Variants in PUS7L observed in about 807,000 individuals in gnomAD.
The protein encoded by PUS7L is pseudouridylate synthase PUS7L.
In PUS7L, 49 loss-of-function variants were observed where a neutral mutation model predicts 51.1. That is an observed-to-expected ratio of 0.96 (90% CI 0.76 to 1.22). The LOEUF (loss-of-function observed/expected upper bound fraction) is 1.22. PUS7L is among the 50% of genes most tolerant of loss of function. The pLI is 0.00. For synonymous variants in PUS7L, 277 were observed against 276.2 expected, an observed-to-expected ratio of 1.00 and a Z score of -0.03; for missense variants, 828 against 820.6, an observed-to-expected ratio of 1.01 and a Z score of -0.11.
intron 2 of PUS7L, among the ~76,000 whole-genome samples, chr12:43,752,278 C>A (rs1390142314): frequency 3.3e-5 from 5 of 152,142 alleles, no homozygotes; most frequent in Admixed American, 6.5e-5. Flanking sequence ...TAGTTCCTGT[C>A]CAAAGGGCTG....
chr12:43,729,156 C>T lies in PUS7L; in HGVS notation c.*1220G>A, dbSNP rs1944496467. The T allele has an allele frequency of 2.5e-6, 1 of 397,184 alleles. No individual in the cohort carries two copies. Among genetic ancestry groups the T allele is most frequent in the South Asian group, 1.3e-4 (1 of 7,838 alleles). 24.6% of individuals were successfully genotyped at this position (397,184 alleles called of 1,614,324 possible). On this transcript the variant is annotated 3_prime_UTR_variant, in exon 9 of 9. Transcript: ENST00000344862. ...AAGTTGATACACATCATTTTACTTA[C>T]TTTAGTTACGTAATGCTGGACTTTG...
At chr12:43,745,299 G>A in intron 4 of PUS7L, among the ~76,000 whole-genome samples, 1 of 152,134 alleles carries the variant, frequency 6.6e-6, no homozygotes, top group Non-Finnish European at 1.5e-5. Context: ...TAAAGTTTAT[G>A]ATATGTTTGG....
In PUS7L at chr12:43,755,210, A is replaced by G; in HGVS notation, c.36T>C (p.Ser12=). Residue 12 remains serine, a synonymous_variant, in exon 2 of 9, where the codon AGT becomes AGC. Coordinates refer to ENST00000344862, the MANE Select transcript of PUS7L (RefSeq NM_031292.5). ...CGTGATCATTAAAGAAACACAAAGAACTAAACCTGATTCTATAATCTGTAT... is the reference window on the plus strand; with the variant it reads ...CGTGATCATTAAAGAAACACAAAGAGCTAAACCTGATTCTATAATCTGTAT... ...EEDTDYRIRF[S]SLCFFNDHVG... The G allele has an allele frequency of 1.2e-6, 2 of 1,607,386 alleles. No individual in the cohort carries two copies.
intron 3 of PUS7L, among the ~76,000 whole-genome samples, chr12:43,746,842 T>G (rs1938195788): frequency 6.6e-6 from 1 of 152,234 alleles, no homozygotes; most frequent in Admixed American, 6.5e-5. Context: ...TCTAGTTTTT[T>G]GCGTCTGCTA....
At position 43,742,846 on chromosome 12, in the gene PUS7L, C is replaced by A. The variant is rs543796863; in HGVS notation, c.1264-291G>T. 126 of 179,908 alleles carry A rather than the reference C, an allele frequency of 7.0e-4. 1 individual carries two copies. The highest frequency in any genetic ancestry group is 2.9e-3 in the African/African-American group (121 of 42,014). 11.1% of individuals were successfully genotyped at this position (179,908 alleles called of 1,614,324 possible). On this transcript the variant is annotated intron_variant, in intron 4 of 8. Transcript: ENST00000344862. Reference sequence around the variant, plus strand: ...GGATGTGAGATTTTCAGTGTTAAAGCCAGAAAAGTTCTGGGCTTCCAAAAT... The same window carrying A: ...GGATGTGAGATTTTCAGTGTTAAAGACAGAAAAGTTCTGGGCTTCCAAAAT...
intron 6 of PUS7L, 43 bp from the exon 7 acceptor site, chr12:43,736,704 T>C: frequency 1.9e-6 from 3 of 1,560,570 alleles, no homozygotes; most frequent in Non-Finnish European, 2.6e-6. Flanking sequence ...CACTTTTATT[T>C]AAAGGCCAGT....
Position 43,731,718 on chromosome 12 carries a change from T to C in PUS7L, c.1766A>G (p.Tyr589Cys). 6.3e-7 allele frequency: 1 copy of C among 1,577,646 alleles called. No individual in the cohort carries two copies. The highest frequency in any genetic ancestry group is 1.1e-5 in the South Asian group (1 of 88,344). The change falls in exon 8 of 9, where the codon TAT (tyrosine) becomes TGT (cysteine). Residue 589 changes from tyrosine to cysteine, a missense_variant. By Grantham distance (194) the Tyr-to-Cys change is radical. Coordinates refer to ENST00000344862, the MANE Select transcript of PUS7L (RefSeq NM_031292.5). ...VTEEEGSANM[Y>C]AIHQVVLPVL... ...AAGCAAATTTACCTGATGTATTGCA[T>C]ACATATTAGCTGATCCCTCCTCTTC...
chr12:43,735,931 C>A (rs1361084889), intron 7 of PUS7L, among the ~76,000 whole-genome samples: 1 of 152,056 alleles, frequency 6.6e-6, no homozygotes, highest in Non-Finnish European at 1.5e-5. Context: ...CGTGCGCTAC[C>A]ACACCTGGCT....
rs963845336 is a variant in PUS7L, at chr12:43,728,910, G to A, written c.*1466C>T. 2 of 243,390 alleles carry A rather than the reference G, an allele frequency of 8.2e-6. No homozygotes were observed. The highest frequency in any genetic ancestry group is 1.6e-5 in the Non-Finnish European group (2 of 127,736). 15.1% of individuals were successfully genotyped at this position (243,390 alleles called of 1,614,324 possible). ...CCATGAGTTTAAATAACTTTCCCAA[G>A]GCTGCAGTGCTATACGTGGCAGTGC... On this transcript the variant is annotated 3_prime_UTR_variant, in exon 9 of 9. Transcript: ENST00000344862.
chr12:43,755,250 C>G lies in PUS7L; in HGVS notation c.-5G>C, dbSNP rs1489992950. The G allele has an allele frequency of 6.4e-7, 1 of 1,562,196 alleles. No homozygotes were observed. Among genetic ancestry groups the G allele is most frequent in the South Asian group, 1.2e-5 (1 of 82,730 alleles). ...ATAATCTGTATCTTCTTCCATTCTT[C>G]TATAACAGTGCCTAGAAAACAAAAC... On this transcript the variant is annotated 5_prime_UTR_variant, in exon 2 of 9. Coordinates refer to ENST00000344862, the MANE Select transcript of PUS7L (RefSeq NM_031292.5).
chr12:43,738,301 C>T lies in PUS7L; in HGVS notation c.1444+9G>A, dbSNP rs377253236. 4.3e-5 allele frequency: 62 copies of T among 1,429,540 alleles called. 1 individual carries two copies. In the South Asian group the frequency reaches 6.8e-4, roughly 16 times the overall value. 88.6% of individuals were successfully genotyped at this position (1,429,540 alleles called of 1,614,324 possible). On this transcript the variant is annotated intron_variant, in intron 6 of 8. Transcript: ENST00000344862. Reference sequence around the variant, plus strand: ...CATGGTTATGTACAGGATAAAGAAACGTAAATACCAGTTTGAAGAAAATAC... The same window carrying T: ...CATGGTTATGTACAGGATAAAGAAATGTAAATACCAGTTTGAAGAAAATAC...
Position 43,754,475 on chromosome 12 carries a change from C to T in PUS7L, c.771G>A (p.Val257=). 1 of 1,613,866 alleles carries T rather than the reference C, an allele frequency of 6.2e-7. No individual in the cohort carries two copies. The highest frequency in any genetic ancestry group is 8.5e-7 in the Non-Finnish European group (1 of 1,179,830). Residue 257 remains valine, a synonymous_variant, in exon 2 of 9, where the codon GTG becomes GTA. Transcript: ENST00000344862. ...TCATTTTAGAAAAAGATTTGGTTTC[C>T]ACAAGGTTTCCAAACTTTTTGTTGA... ...HFVNKKFGNL[V]ETKSFSKMNC... is the part of the protein sequence containing the mutation.
At position 43,752,220 on chromosome 12, in the gene PUS7L, C is replaced by T. The variant is rs548934528; in HGVS notation, c.910+2116G>A. Among the ~76,000 whole-genome samples, 4 of 152,260 alleles carry T rather than the reference C, an allele frequency of 2.6e-5. No individual in the cohort carries two copies. The South Asian group carries it at 6.2e-4, about 24-fold the overall frequency. On this transcript the variant is annotated intron_variant, in intron 2 of 8. Coordinates refer to ENST00000344862, the MANE Select transcript of PUS7L (RefSeq NM_031292.5). ...ACTGGAGGATCCATTCCCAAAGGGG[C>T]TCATTTACGTGGCTGGAAGGTTGGT... is the stretch of plus-strand genomic sequence containing the variant.
chr12:43,742,550 T>C lies in PUS7L; in HGVS notation c.1269A>G (p.Lys423=). ...GTGGTCCATAGTAATTCACAAAGCC[T>C]TTTTTCTATGTATACAAAATAATCA... ...IMEAIENVKK[K]GFVNYYGPQR... is the part of the protein sequence containing the mutation. Residue 423 remains lysine, a synonymous_variant, in exon 5 of 9, where the codon AAA becomes AAG. Transcript: ENST00000344862. 6.3e-7 allele frequency: 1 copy of C among 1,595,654 alleles called. No homozygotes were observed. Among genetic ancestry groups the C allele is most frequent in the Admixed American group, 1.8e-5 (1 of 54,702 alleles).
intron 2 of PUS7L, among the ~76,000 whole-genome samples, chr12:43,754,033 T>C (rs1188546159): frequency 6.6e-6 from 1 of 152,216 alleles, no homozygotes; most frequent in African/African-American, 2.4e-5. Flanking sequence ...ATAAAACTTA[T>C]TAAACACGAA....
In PUS7L at chr12:43,738,334, C is replaced by G; in HGVS notation, c.1420G>C (p.Ala474Pro). Reference sequence around the variant, plus strand: ...CCAGTTTGAAGAAAATACTTCTTTGCTCTATTTACAGGATCATCCAAGTCT... The same window carrying G: ...CCAGTTTGAAGAAAATACTTCTTTGGTCTATTTACAGGATCATCCAAGTCT... ...PEDLDDPVNR[A>P]KKYFLQTEDA... is the part of the protein sequence containing the mutation. Residue 474 changes from alanine to proline, a missense_variant, in exon 6 of 9, where the codon GCA becomes CCA. Coordinates refer to ENST00000344862, the MANE Select transcript of PUS7L (RefSeq NM_031292.5). The G allele has an allele frequency of 6.3e-7, 1 of 1,588,272 alleles. No individual in the cohort carries two copies. The highest frequency in any genetic ancestry group is 8.6e-7 in the Non-Finnish European group (1 of 1,157,296).
rs1288744459 is a variant in PUS7L at position 43,730,590 on chromosome 12, G to C, written c.1892C>G (p.Pro631Arg). The C allele has an allele frequency of 6.2e-7, 1 of 1,613,586 alleles. No individual in the cohort carries two copies. Among genetic ancestry groups the C allele is most frequent in the Non-Finnish European group, 8.5e-7 (1 of 1,179,622 alleles). Residue 631 changes from proline (P) to arginine (R), a missense_variant, in exon 9 of 9, where the codon CCT (proline) becomes CGT (arginine). Coordinates refer to ENST00000344862, the MANE Select transcript of PUS7L (RefSeq NM_031292.5). ...DGLQTCRFKV[P>R]TLKLNIPGCY... ...ACCTGGTATATTCAGTTTCAGAGTA[G>C]GTACTTTAAACCTACATGTCTGTAG...
At chr12:43,741,525 C>A (rs1937897727) in intron 5 of PUS7L, among the ~76,000 whole-genome samples, 1 of 152,232 alleles carries the variant, frequency 6.6e-6, no homozygotes, top group African/African-American at 2.4e-5. Context: ...AGGCCCCAAA[C>A]TATTAAGTTC....
chr12:43,753,643 A>G (rs548905900), intron 2 of PUS7L, among the ~76,000 whole-genome samples: 3 of 152,336 alleles, frequency 2.0e-5, no homozygotes, highest in African/African-American at 7.2e-5. Flanking sequence ...TTTTACAGTG[A>G]GAGTTCATCA....
Sources: allele counts gnomAD v4.1 joint callset (sites outside exome capture counted in the v4.1 genomes callset), GRCh38; gene constraint gnomAD v4.1.1; transcripts MANE v1.5; gene names NCBI Gene and HGNC (gene_info 2026-07-23, HGNC 2026-07-21).